The following SPTLC1 variants were observed in gnomAD, a reference collection of about 807,000 sequenced individuals.
SPTLC1 encodes the protein serine palmitoyltransferase long chain base subunit 1.
In SPTLC1, 55 loss-of-function variants were observed where a neutral mutation model predicts 68.9. That is an observed-to-expected ratio of 0.80 (90% CI 0.64 to 1.00). SPTLC1 has a LOEUF of 1.00. Ranked by LOEUF, SPTLC1 falls within the 50% of genes least tolerant of loss-of-function variation. The pLI, the probability that SPTLC1 is intolerant of heterozygous loss-of-function variation, is 0.00. For synonymous variants in SPTLC1, 197 were observed against 201.6 expected (o/e 0.98, Z 0.19); for missense variants, 449 against 573.1 (o/e 0.78, Z 2.21).
intron 6 of SPTLC1, among the ~76,000 whole-genome samples, chr9:92,060,257 C>T (rs920174962): frequency 3.9e-5 from 6 of 152,110 alleles, no homozygotes; most frequent in East Asian, 3.9e-4. Context: ...TGGACTACAG[C>T]GGCACAATAT....
chr9:92,097,438 T>C (rs1370237421), intron 3 of SPTLC1, among the ~76,000 whole-genome samples: 6 of 152,232 alleles, frequency 3.9e-5, no homozygotes, highest in Admixed American at 2.0e-4. Flanking sequence ...CAATTGTGCA[T>C]CAACTGATTA....
Position 92,032,147 on chromosome 9 carries a change from A to T in SPTLC1, c.*318T>A. 1 of 868,980 alleles carries T rather than the reference A, an allele frequency of 1.2e-6. No homozygotes were observed. The highest frequency in any genetic ancestry group is 1.7e-6 in the Non-Finnish European group (1 of 587,008). The allele number at this position is 868,980 out of a possible 1,614,324, so 53.8% of individuals were successfully genotyped here. On this transcript the variant is annotated 3_prime_UTR_variant, in exon 15 of 15. Transcript: ENST00000262554. The stretch of plus-strand genomic sequence containing the variant: ...GACACTGAAGCTCCAGTTTTAAACG[A>T]CAACAAAAGAATATAAAATACTAGT...
At chr9:92,051,033 G>T in intron 8 of SPTLC1, 1 of 985,100 alleles carries the variant, frequency 1.0e-6, no homozygotes, top group Non-Finnish European at 1.2e-6. Context: ...TTTCGTATCT[G>T]TCCATTAGCA....
intron 12 of SPTLC1, among the ~76,000 whole-genome samples, chr9:92,041,606 A>C (rs1833351149): frequency 6.6e-6 from 1 of 152,224 alleles, no homozygotes; most frequent in Non-Finnish European, 1.5e-5. Context: ...AAGCAGAAAG[A>C]GTGGAAAATA....
intron 5 of SPTLC1, among the ~76,000 whole-genome samples, chr9:92,071,540 T>A (rs1467418980): frequency 6.6e-6 from 1 of 152,248 alleles, no homozygotes; most frequent in Non-Finnish European, 1.5e-5. Flanking sequence ...CGGTATCTTA[T>A]GTGATCCTTA....
chr9:92,038,895 T>G (rs2118377636), intron 12 of SPTLC1, among the ~76,000 whole-genome samples: 1 of 152,382 alleles, frequency 6.6e-6, no homozygotes, highest in Non-Finnish European at 1.5e-5. Context: ...TATCTATGTC[T>G]TCAGTTTTTG....
chr9:92,078,644 G>A (rs1479276252), intron 5 of SPTLC1, among the ~76,000 whole-genome samples: 3 of 152,244 alleles, frequency 2.0e-5, no homozygotes, highest in Admixed American at 6.5e-5. Context: ...TTGTAAACAC[G>A]GGGTCTCACT....
intron 9 of SPTLC1, 87 bp downstream of exon 9, chr9:92,049,873 C>T (rs1031328345): frequency 1.1e-6 from 1 of 941,828 alleles, no homozygotes; most frequent in African/African-American, 1.6e-5. Flanking sequence ...GGAACACTGT[C>T]TTGTGCCTAT....
intron 5 of SPTLC1, among the ~76,000 whole-genome samples, chr9:92,078,660 G>A (rs1171298685): frequency 6.6e-6 from 1 of 152,154 alleles, no homozygotes; most frequent in Non-Finnish European, 1.5e-5. Context: ...TCACTACATT[G>A]CCCAGGCTAG....
chr9:92,074,097 C>T (rs1033258407), intron 5 of SPTLC1, among the ~76,000 whole-genome samples: 8 of 152,070 alleles, frequency 5.3e-5, no homozygotes, highest in South Asian at 4.1e-4. Context: ...TGACGTTGCC[C>T]GAATATCTCG....
At chr9:92,110,942 C>T (rs1836213876) in intron 2 of SPTLC1, 1 of 152,176 alleles carries the variant, frequency 6.6e-6, no homozygotes, top group Non-Finnish European at 1.5e-5. Flanking sequence ...AATATAGCTA[C>T]TCATAGCCTA....
intron 11 of SPTLC1, 183 bp from the exon 12 acceptor site, chr9:92,046,236 C>A (rs1009653798): frequency 3.2e-6 from 2 of 619,586 alleles, no homozygotes; most frequent in East Asian, 2.8e-5. Flanking sequence ...TGCGTGCTAA[C>A]TGGCCCCTTC....
chr9:92,098,193 C>T lies in SPTLC1; in HGVS notation c.260+10547G>A, dbSNP rs144144172. Among the ~76,000 whole-genome samples, 875 of 152,280 alleles carry T rather than the reference C, an allele frequency of 5.7e-3. 12 individuals are homozygous for T. The highest frequency in any genetic ancestry group is 0.02 in the African/African-American group (832 of 41,536). On this transcript the variant is annotated intron_variant, in intron 3 of 14. Coordinates refer to ENST00000262554, the MANE Select transcript of SPTLC1 (RefSeq NM_006415.4). ...CCATCCTGACAGCCACATCGGGTAC[C>T]CTGACTCAGCATTTCCGGGTTCACC...
chr9:92,053,061 A>T (rs189307481), intron 8 of SPTLC1, among the ~76,000 whole-genome samples: 31 of 152,126 alleles, frequency 2.0e-4, no homozygotes, highest in Non-Finnish European at 3.4e-4. Flanking sequence ...AACCCAATTT[A>T]AAAAATGGGC....
At chr9:92,046,748 C>A (rs1244926876) in intron 11 of SPTLC1, among the ~76,000 whole-genome samples, 2 of 152,188 alleles carry the variant, frequency 1.3e-5, no homozygotes, top group Non-Finnish European at 2.9e-5. Flanking sequence ...TCAGTACCAA[C>A]TGATGATTCA....
intron 8 of SPTLC1, among the ~76,000 whole-genome samples, chr9:92,052,534 A>ATT (rs201242481): frequency 6.8e-6 from 1 of 147,496 alleles, no homozygotes. Context: ...TATTATTATT[A>ATT]TTTTTTTTTT....
At chr9:92,110,920 CTCTATAG>C (rs1257343542) in intron 2 of SPTLC1, 2 of 152,324 alleles carry the variant, frequency 1.3e-5, no homozygotes, top group East Asian at 3.9e-4. Context: ...TCTCCAAAAA[CTCTATAG>C]TCTGAATATA....
At chr9:92,100,098 T>C (rs970705412) in intron 3 of SPTLC1, among the ~76,000 whole-genome samples, 1 of 136,262 alleles carries the variant, frequency 7.3e-6, no homozygotes, top group African/African-American at 2.9e-5. Context: ...AAGAACAACA[T>C]AAGCAAGTTT....
At chr9:92,038,419 G>A (rs1179481704) in intron 12 of SPTLC1, 54 bp from the exon 13 acceptor site, 6 of 1,154,220 alleles carry the variant, frequency 5.2e-6, no homozygotes, top group Non-Finnish European at 7.9e-6. Flanking sequence ...CTTGAAGATC[G>A]CTCACGGAGA....
Sources: allele counts gnomAD v4.1 joint callset (sites outside exome capture counted in the v4.1 genomes callset), GRCh38; gene constraint gnomAD v4.1.1; transcripts MANE v1.5; gene names NCBI Gene and HGNC (gene_info 2026-07-23, HGNC 2026-07-21).